The following PRICKLE2 variants were observed in gnomAD, a reference collection of about 807,000 sequenced individuals.
PRICKLE2 encodes prickle-like protein 2.
In PRICKLE2, 21 loss-of-function variants were observed where a neutral mutation model predicts 81.4. That is an observed-to-expected ratio of 0.26 (90% CI 0.18 to 0.37). The LOEUF is 0.37. PRICKLE2 is among the 10% of genes least tolerant of loss of function. The pLI, the probability that PRICKLE2 is intolerant of heterozygous loss-of-function variation, is 1.00. For synonymous variants in PRICKLE2, 456 were observed against 421.5 expected, an observed-to-expected ratio of 1.08 and a Z score of -1.00; for missense variants, 940 against 1,109.0, an observed-to-expected ratio of 0.85 and a Z score of 2.16.
chr3:64,190,603 T>C (rs1414128971), intron 2 of PRICKLE2, among the ~76,000 whole-genome samples: 2 of 152,198 alleles, frequency 1.3e-5, no homozygotes, highest in Non-Finnish European at 1.5e-5. Flanking sequence ...AAAAGCCCAA[T>C]GGCCATTTCC....
chr3:64,241,599 T>C (rs988714526), intron 2 of PRICKLE2, among the ~76,000 whole-genome samples: 3 of 152,162 alleles, frequency 2.0e-5, no homozygotes, highest in Admixed American at 6.5e-5. Context: ...AATACCACCA[T>C]GGTATGAAGC....
chr3:64,202,491 T>C (rs1244551057), intron 1 of PRICKLE2, among the ~76,000 whole-genome samples: 2 of 152,196 alleles, frequency 1.3e-5, no homozygotes, highest in African/African-American at 2.4e-5. Context: ...TCTTAAGTAT[T>C]TTATTCTTTT....
At chr3:64,248,186 G>A (rs1429933040) in intron 2 of PRICKLE2, among the ~76,000 whole-genome samples, 1 of 152,166 alleles carries the variant, frequency 6.6e-6, no homozygotes, top group African/African-American at 2.4e-5. Context: ...GTTAATTTTT[G>A]TGAGTCATTC....
At chr3:64,227,857 T>A (rs960177751), upstream of PRICKLE2, among the ~76,000 whole-genome samples, 1 of 152,154 alleles carries the variant, frequency 6.6e-6, no homozygotes, top group Non-Finnish European at 1.5e-5. Flanking sequence ...GCAAATTAGT[T>A]AAGTAACCAG....
chr3:64,236,511 A>G (rs1040926375), intron 2 of PRICKLE2, among the ~76,000 whole-genome samples: 1 of 152,220 alleles, frequency 6.6e-6, no homozygotes, highest in Non-Finnish European at 1.5e-5. Flanking sequence ...GAAAAAAAAG[A>G]GAATGAGGAA....
At position 64,099,426 on chromosome 3, in the gene PRICKLE2, C is replaced by T. The variant is rs1003980147; in HGVS notation, c.2160G>A (p.Arg720=). ...GGCGCATAAATTGGTCATAGTCCTC[C>T]CTGGCTCTCAGAGGGGGCCTATCTT... is the stretch of plus-strand genomic sequence containing the variant. ...RLKDRPPLRA[R]EDYDQFMRQR... The change falls in exon 8 of 8, where the codon AGG becomes AGA. Residue 720 remains arginine (R), a synonymous_variant. Coordinates refer to ENST00000638394, the MANE Select transcript of PRICKLE2 (RefSeq NM_198859.4). The surrounding 1 kb of genome is among the most constrained non-coding windows in gnomAD (Gnocchi z 4.3). The T allele has an allele frequency of 6.3e-7, 1 of 1,592,262 alleles. No individual in the cohort carries two copies. The highest frequency in any genetic ancestry group is 1.3e-5 in the African/African-American group (1 of 74,310).
At chr3:64,161,494 G>T (rs1484008759) in intron 3 of PRICKLE2, among the ~76,000 whole-genome samples, 1 of 152,010 alleles carries the variant, frequency 6.6e-6, no homozygotes, top group Non-Finnish European at 1.5e-5. Context: ...AAAGAAAATG[G>T]TCAAATATTT....
At chr3:64,129,292 C>T (rs532612268) in intron 7 of PRICKLE2, among the ~76,000 whole-genome samples, 9 of 152,256 alleles carry the variant, frequency 5.9e-5, no homozygotes, top group South Asian at 4.2e-4. Context: ...ATCTATAAAA[C>T]GGAGATGACA....
At chr3:64,137,415 G>C (rs1230442844) in intron 7 of PRICKLE2, among the ~76,000 whole-genome samples, 1 of 152,150 alleles carries the variant, frequency 6.6e-6, no homozygotes, top group African/African-American at 2.4e-5. Context: ...TTCCAGTGTT[G>C]CCTTTTCAGT....
intron 2 of PRICKLE2, among the ~76,000 whole-genome samples, chr3:64,238,158 T>C (rs576722727): frequency 1.3e-3 from 192 of 152,252 alleles, no homozygotes; most frequent in Non-Finnish European, 1.8e-3. Context: ...AGAAGAGGTT[T>C]AGTTATATAC....
chr3:64,223,678 C>G (rs748841475), intron 1 of PRICKLE2, among the ~76,000 whole-genome samples: 1 of 152,138 alleles, frequency 6.6e-6, no homozygotes, highest in Non-Finnish European at 1.5e-5. Flanking sequence ...AAAGGCAAAA[C>G]CTTTATAAGC....
chr3:64,192,109 G>A (rs2078354264), intron 2 of PRICKLE2, among the ~76,000 whole-genome samples: 2 of 152,232 alleles, frequency 1.3e-5, no homozygotes, highest in Non-Finnish European at 2.9e-5. Context: ...GCAGCCGAGG[G>A]AACAGAAATA....
At chr3:64,165,721 T>G (rs1175536168) in intron 2 of PRICKLE2, among the ~76,000 whole-genome samples, 2 of 152,098 alleles carry the variant, frequency 1.3e-5, no homozygotes. Flanking sequence ...GTTGACCAAG[T>G]TGGTCTTGAA....
chr3:64,109,455 T>C (rs1401030364), intron 7 of PRICKLE2, among the ~76,000 whole-genome samples: 3 of 152,184 alleles, frequency 2.0e-5, no homozygotes. Context: ...GATCACAAGT[T>C]GGCTTGCAGT....
Position 64,198,889 on chromosome 3 carries a change from G to A in PRICKLE2, c.39C>T (p.Ile13=), listed in dbSNP as rs750551862. The change falls in exon 2 of 8, where the codon ATC becomes ATT. Residue 13 remains isoleucine, a synonymous_variant. Coordinates refer to ENST00000638394, the MANE Select transcript of PRICKLE2 (RefSeq NM_198859.4). ...TCTGAAAGTCAAACATGAGTTTGCTGATGGTCTTCTCCATCTCCAGCGGCA... is the reference window on the plus strand; with the variant it reads ...TCTGAAAGTCAAACATGAGTTTGCTAATGGTCTTCTCCATCTCCAGCGGCA... The part of the protein sequence containing the change: ...TVMPLEMEKT[I]SKLMFDFQRN... 3.7e-6 allele frequency: 6 copies of A among 1,614,204 alleles called. No individual in the cohort carries two copies. Among genetic ancestry groups the A allele is most frequent in the Non-Finnish European group, 5.1e-6 (6 of 1,180,026 alleles).
chr3:64,149,933 A>G (rs1213558239), intron 6 of PRICKLE2, among the ~76,000 whole-genome samples: 1 of 150,100 alleles, frequency 6.7e-6, no homozygotes, highest in African/African-American at 2.5e-5. Context: ...CAAGTGGGAG[A>G]CAGGAAACTG....
At chr3:64,256,869 C>G (rs975926320) in intron 2 of PRICKLE2, among the ~76,000 whole-genome samples, 1 of 152,142 alleles carries the variant, frequency 6.6e-6, no homozygotes, top group Admixed American at 6.5e-5. Flanking sequence ...GTCACATATG[C>G]ATTTTTAAGG....
intron 2 of PRICKLE2, 67 bp downstream of exon 2, chr3:64,198,717 T>G: frequency 1.3e-6 from 2 of 1,495,852 alleles, no homozygotes; most frequent in Non-Finnish European, 1.9e-6. Flanking sequence ...AGAACTGGAA[T>G]GAGGAAGGAC....
In PRICKLE2 at chr3:64,259,450, G is replaced by A. The variant is rs144086455; in HGVS notation, c.129-60483C>T. ...CTTGCTGCCTCTTCCTGGGACCGAGGAGCTCGTAGCTAAGTGAGAACTTGA... is the reference window on the plus strand; with the variant it reads ...CTTGCTGCCTCTTCCTGGGACCGAGAAGCTCGTAGCTAAGTGAGAACTTGA... On this transcript the variant is annotated intron_variant, in intron 2 of 8. Coordinates refer to the PRICKLE2 transcript ENST00000295902. Among the ~76,000 whole-genome samples, 825 of 152,280 alleles carry A rather than the reference G, an allele frequency of 5.4e-3. 2 individuals carry two copies. Among genetic ancestry groups the A allele is most frequent in the Non-Finnish European group, 9.3e-3 (636 of 68,022 alleles).
Sources: gnomAD v4.1 joint callset for allele counts (sites outside exome capture counted in the v4.1 genomes callset) on GRCh38, gnomAD v4.1.1 for gene constraint, Gnocchi (gnomAD v3.1) non-coding constraint, MANE v1.5 for transcripts, NCBI Gene and HGNC (gene_info 2026-07-23, HGNC 2026-07-21) for gene names.